PRKCA: variants seen among roughly 807,000 people sequenced by gnomAD.
PRKCA encodes protein kinase C alpha type.
PRKCA carries 27 observed loss-of-function variants against 87.0 expected under a neutral mutation model. That is an observed-to-expected ratio of 0.31 (90% CI 0.23 to 0.43). The LOEUF (loss-of-function observed/expected upper bound fraction) is 0.43. Ranked by LOEUF, PRKCA falls within the 20% of genes least tolerant of loss-of-function variation. The pLI is 1.00. For synonymous variants in PRKCA, 329 were observed against 311.1 expected (o/e 1.06, Z -0.61); for missense variants, 518 against 852.3 (o/e 0.61, Z 4.88).
chr17:66,645,280 G>C (rs1183761297), intron 4 of PRKCA, 103 bp from the exon 5 acceptor site: 4 of 1,512,844 alleles, frequency 2.6e-6, no homozygotes, highest in Non-Finnish European at 3.6e-6. Context: ...AAAGTATCGA[G>C]TTGGGGGTAA....
chr17:66,540,632 G>C (rs977747840), intron 3 of PRKCA, among the ~76,000 whole-genome samples: 1 of 152,210 alleles, frequency 6.6e-6, no homozygotes, highest in Non-Finnish European at 1.5e-5. Flanking sequence ...AGCTGGGCCT[G>C]AAGGCAAAAC....
At chr17:66,649,759 G>A (rs1195962799) in intron 5 of PRKCA, among the ~76,000 whole-genome samples, 1 of 152,164 alleles carries the variant, frequency 6.6e-6, no homozygotes, top group African/African-American at 2.4e-5. Flanking sequence ...AACCAGGGGA[G>A]AAAAGAGTAA....
At chr17:66,562,225 A>G (rs1353271881) in intron 3 of PRKCA, among the ~76,000 whole-genome samples, 1 of 133,704 alleles carries the variant, frequency 7.5e-6, no homozygotes, top group Admixed American at 8.1e-5. Flanking sequence ...ATTATATATA[A>G]TTATATATAT....
intron 5 of PRKCA, among the ~76,000 whole-genome samples, chr17:66,646,068 A>G (rs1598841789): frequency 1.3e-5 from 2 of 152,206 alleles, no homozygotes; most frequent in East Asian, 3.9e-4. Flanking sequence ...CAGAAAAGGA[A>G]ACTGAGGCAC....
intron 2 of PRKCA, chr17:66,414,828 A>T (rs553601080): frequency 2.4e-4 from 36 of 152,318 alleles, no homozygotes; most frequent in African/African-American, 8.4e-4. Context: ...ACTATATGCC[A>T]GGAGACTTAC....
chr17:66,788,842 A>G lies in PRKCA; in HGVS notation c.1717A>G (p.Met573Val). ...KEAVSVCKGL[M>V]TKHPAKRLGC... ...CTTTTCTCCTTTTCCTTTCTAGCTGATGACCAAACACCCAGCCAAGCGGCT... is the reference window on the plus strand; with the variant it reads ...CTTTTCTCCTTTTCCTTTCTAGCTGGTGACCAAACACCCAGCCAAGCGGCT... Residue 573 changes from methionine to valine, a missense_variant, in exon 16 of 17, where the codon ATG (methionine) becomes GTG (valine). By Grantham distance (21) the Met-to-Val change is conservative. Around this residue, in one of 5 missense-constraint regions of PRKCA, gnomAD observed 159 missense variants for 232.4 expected, o/e 0.68. Coordinates refer to ENST00000413366, the MANE Select transcript of PRKCA (RefSeq NM_002737.3). 1 of 1,610,964 alleles carries G rather than the reference A, an allele frequency of 6.2e-7. No individual in the cohort carries two copies. The highest frequency in any genetic ancestry group is 8.5e-7 in the Non-Finnish European group (1 of 1,179,318).
At chr17:66,377,619 AT>A (rs1909506734) in intron 2 of PRKCA, among the ~76,000 whole-genome samples, 2 of 142,306 alleles carry the variant, frequency 1.4e-5, no homozygotes, top group Non-Finnish European at 3.0e-5. Context: ...TAATGTCTAT[AT>A]TATATATATG....
intron 3 of PRKCA, among the ~76,000 whole-genome samples, chr17:66,593,418 A>C (rs1404471398): frequency 6.6e-6 from 1 of 152,138 alleles, no homozygotes; most frequent in Non-Finnish European, 1.5e-5. Flanking sequence ...CTGTGTCTTG[A>C]GGCCAAGACC....
intron 10 of PRKCA, among the ~76,000 whole-genome samples, chr17:66,738,106 G>A (rs1171270890): frequency 1.3e-5 from 2 of 152,174 alleles, no homozygotes; most frequent in African/African-American, 2.4e-5. Context: ...ATTTATTTGG[G>A]TCTATGATAC....
At chr17:66,575,129 C>T (rs866464151) in intron 3 of PRKCA, among the ~76,000 whole-genome samples, 1 of 152,198 alleles carries the variant, frequency 6.6e-6, no homozygotes, top group East Asian at 1.9e-4. Context: ...GATACCTCAA[C>T]AGTTTATCTA....
chr17:66,513,240 T>C (rs2361484), intron 3 of PRKCA, among the ~76,000 whole-genome samples: 75,169 of 151,920 alleles, frequency 0.49, 18,966 homozygotes, highest in East Asian at 0.75. Flanking sequence ...AAAGATCTTA[T>C]AGGGTTTTTT....
At chr17:66,555,714 G>T (rs1968472957) in intron 3 of PRKCA, among the ~76,000 whole-genome samples, 1 of 147,862 alleles carries the variant, frequency 6.8e-6, no homozygotes, top group Admixed American at 6.8e-5. Flanking sequence ...CCTTTGGATT[G>T]CAGGTTTAAA....
At chr17:66,356,968 A>G (rs1908098541) in intron 2 of PRKCA, among the ~76,000 whole-genome samples, 1 of 152,158 alleles carries the variant, frequency 6.6e-6, no homozygotes, top group South Asian at 2.1e-4. Context: ...CATGTTGCCC[A>G]TGCTGGTCTT....
At chr17:66,587,725 G>A (rs867506095) in intron 3 of PRKCA, among the ~76,000 whole-genome samples, 2 of 66,188 alleles carry the variant, frequency 3.0e-5, no homozygotes, top group Non-Finnish European at 6.4e-5. Context: ...GTGTGTATAT[G>A]TATACATATA....
chr17:66,368,918 A>T (rs1327653358), intron 2 of PRKCA, among the ~76,000 whole-genome samples: 1 of 152,174 alleles, frequency 6.6e-6, no homozygotes, highest in Non-Finnish European at 1.5e-5. Context: ...CCCAGGAGAC[A>T]TCTCAACCTC....
At position 66,796,577 on chromosome 17, in the gene PRKCA, G is replaced by C. The variant is rs552932023; in HGVS notation, c.1855-7296G>C. 3 of 985,266 alleles carry C rather than the reference G, an allele frequency of 3.0e-6. No individual in the cohort carries two copies. In the South Asian group the frequency reaches 1.4e-4, roughly 46 times the overall value. 61.0% of individuals were successfully genotyped at this position (985,266 alleles called of 1,614,324 possible). On this transcript the variant is annotated intron_variant, in intron 16 of 16. Coordinates refer to ENST00000413366, the MANE Select transcript of PRKCA (RefSeq NM_002737.3). The stretch of plus-strand genomic sequence containing the variant: ...AACCCTTAACCGTGTGCCCCTGCTT[G>C]TGTTGGTCATGCACGTAGCCCGTTC...
At chr17:66,427,584 C>G (rs1169351387) in intron 2 of PRKCA, among the ~76,000 whole-genome samples, 3 of 152,218 alleles carry the variant, frequency 2.0e-5, no homozygotes, top group Non-Finnish European at 2.9e-5. Flanking sequence ...TTTTGTACCT[C>G]TTAACTGGAG....
intron 3 of PRKCA, among the ~76,000 whole-genome samples, chr17:66,628,964 G>A (rs1970932886): frequency 1.3e-5 from 2 of 152,242 alleles, no homozygotes; most frequent in South Asian, 2.1e-4. Flanking sequence ...GGGAGGCAGA[G>A]GTTGCAGTGA....
At chr17:66,711,628 A>G (rs1567989771) in intron 8 of PRKCA, among the ~76,000 whole-genome samples, 1 of 152,152 alleles carries the variant, frequency 6.6e-6, no homozygotes, top group Non-Finnish European at 1.5e-5. Context: ...TCGTAATTAA[A>G]ATCAGCCCAA....
Sources: allele counts gnomAD v4.1 joint callset (sites outside exome capture counted in the v4.1 genomes callset), GRCh38; gene constraint gnomAD v4.1.1; regional missense constraint gnomAD v4.1.1; transcripts MANE v1.5; gene names NCBI Gene and HGNC (gene_info 2026-07-23, HGNC 2026-07-21).